KCNIP1: variants seen among roughly 807,000 people sequenced by gnomAD.
KCNIP1 encodes potassium voltage-gated channel interacting protein 1, also known as A-type potassium channel modulatory protein KCNIP1.
In KCNIP1, 18 loss-of-function variants were observed where a neutral mutation model predicts 33.0. The observed-to-expected ratio is 0.55, with a 90% CI of 0.38 to 0.81. The LOEUF is 0.81. KCNIP1 is among the 30% of genes least tolerant of loss of function. The pLI is 0.00. For synonymous variants in KCNIP1, 93 were observed against 98.3 expected, an observed-to-expected ratio of 0.95 and a Z score of 0.32; for missense variants, 238 against 271.6, an observed-to-expected ratio of 0.88 and a Z score of 0.87.
At chr5:170,658,171 C>T (rs914120297) in intron 1 of KCNIP1, among the ~76,000 whole-genome samples, 1 of 152,174 alleles carries the variant, frequency 6.6e-6, no homozygotes, top group African/African-American at 2.4e-5. Context: ...GTCTCAGTCC[C>T]TTTTCTGTTG....
At chr5:170,579,406 A>T (rs184832570) in intron 1 of KCNIP1, among the ~76,000 whole-genome samples, 26 of 152,330 alleles carry the variant, frequency 1.7e-4, no homozygotes, top group Admixed American at 1.5e-3. Flanking sequence ...CACTTAGAGA[A>T]TCAGTGATGG....
chr5:170,507,095 T>A lies in KCNIP1; in HGVS notation c.61+2462T>A, dbSNP rs76205130. Among the ~76,000 whole-genome samples the A allele has an allele frequency of 1.6e-3, 249 of 152,298 alleles. 1 individual carries two copies. Among genetic ancestry groups the A allele is most frequent in the African/African-American group, 5.7e-3 (235 of 41,564 alleles). ...CTCAGGTTCCATTTGGTTCTCAAAT[T>A]CTAATATTTTTATGGTTGATGCTCT... On this transcript the variant is annotated intron_variant, in intron 1 of 7. Coordinates refer to ENST00000328939, the MANE Select transcript of KCNIP1 (RefSeq NM_014592.4).
At chr5:170,519,376 A>C (rs1221262985) in intron 1 of KCNIP1, among the ~76,000 whole-genome samples, 1 of 152,170 alleles carries the variant, frequency 6.6e-6, no homozygotes, top group Non-Finnish European at 1.5e-5. Context: ...GCCTGCAGGC[A>C]TTTGGGTTCA....
intron 1 of KCNIP1, among the ~76,000 whole-genome samples, chr5:170,552,461 C>T (rs570129472): frequency 2.6e-4 from 39 of 152,192 alleles, no homozygotes; most frequent in Middle Eastern, 6.8e-3. Context: ...CAGGAGGCCA[C>T]GAGGAGGGGA....
In KCNIP1 at chr5:170,658,898, G is replaced by C. The variant is rs138113566; in HGVS notation, c.62-59860G>C. 8.1e-3 allele frequency among the ~76,000 whole-genome samples: 1,236 copies of C among 152,288 alleles called. 11 individuals carry two copies. The highest frequency in any genetic ancestry group is 0.028 in the African/African-American group (1,177 of 41,550). ...TAACCATTCTCAGGTTCCTGTTGGG[G>C]GTTTGGGAGCCTAGAAACTGAGACA... On this transcript the variant is annotated intron_variant, in intron 1 of 7. Coordinates refer to ENST00000328939, the MANE Select transcript of KCNIP1 (RefSeq NM_014592.4).
intron 1 of KCNIP1, among the ~76,000 whole-genome samples, chr5:170,647,399 A>G (rs138807038): frequency 7.2e-5 from 11 of 152,266 alleles, no homozygotes; most frequent in African/African-American, 2.4e-4. Context: ...GATAATAAAG[A>G]CACTGTGGTA....
chr5:170,663,447 C>T (rs1186186440), intron 1 of KCNIP1, among the ~76,000 whole-genome samples: 5 of 152,302 alleles, frequency 3.3e-5, no homozygotes, highest in African/African-American at 7.2e-5. Context: ...GCAGCTGCAC[C>T]AGGCCAGCTG....
intron 1 of KCNIP1, among the ~76,000 whole-genome samples, chr5:170,641,322 C>T (rs1238708335): frequency 1.3e-5 from 2 of 152,214 alleles, no homozygotes; most frequent in African/African-American, 4.8e-5. Context: ...AGCAGCCCTA[C>T]CTGGCTCTGC....
chr5:170,569,958 C>T (rs1385996888), intron 1 of KCNIP1, among the ~76,000 whole-genome samples: 1 of 152,156 alleles, frequency 6.6e-6, no homozygotes, highest in African/African-American at 2.4e-5. Flanking sequence ...AGCATCTAGA[C>T]ATTTGATATC....
intron 1 of KCNIP1, among the ~76,000 whole-genome samples, chr5:170,571,014 A>G (rs760413523): frequency 6.6e-6 from 1 of 152,208 alleles, no homozygotes; most frequent in Non-Finnish European, 1.5e-5. Flanking sequence ...AAGTAGCTCA[A>G]CTAGATCTAT....
intron 1 of KCNIP1, among the ~76,000 whole-genome samples, chr5:170,716,307 CA>C (rs1364871224): frequency 6.6e-6 from 1 of 152,166 alleles, no homozygotes; most frequent in East Asian, 1.9e-4. Context: ...GTTTTTGTTT[CA>C]AAATATTTCA....
chr5:170,530,622 T>C (rs6555904), intron 1 of KCNIP1, among the ~76,000 whole-genome samples: 68,279 of 151,750 alleles, frequency 0.45, 15,395 homozygotes, highest in East Asian at 0.54. Flanking sequence ...GGATGCTTTT[T>C]CTAAGTTTGG....
rs557086708 is a variant in KCNIP1, at chr5:170,439,679, AC to A, written c.88+85716del. Among the ~76,000 whole-genome samples, 922 of 152,168 alleles carry A rather than the reference AC, an allele frequency of 6.1e-3. 8 individuals carry two copies. The highest frequency in any genetic ancestry group is 0.01 in the Non-Finnish European group (697 of 67,976). ...AGCCTGAGGAACCCTCAGCCTCAGT[AC>A]TCCTGGGTCGAGCTGCAGGAGCAGG... is the stretch of plus-strand genomic sequence containing the variant. On this transcript the variant is annotated intron_variant, in intron 1 of 7. Coordinates refer to the KCNIP1 transcript ENST00000377360.
At chr5:170,718,332 G>T (rs1763701760) in intron 1 of KCNIP1, among the ~76,000 whole-genome samples, 1 of 152,176 alleles carries the variant, frequency 6.6e-6, no homozygotes. Context: ...AATGGTGAGA[G>T]TTTACTGTTT....
rs1489484976 is a variant in KCNIP1 at position 170,355,671 on chromosome 5, G to A, written c.88+1707G>A. Among the ~76,000 whole-genome samples the A allele has an allele frequency of 2.0e-5, 3 of 152,328 alleles. No homozygotes were observed. The South Asian group carries it at 6.2e-4, about 32-fold the overall frequency. ...TGAGGAGAGGCAGGGCTGAGAAGGT[G>A]GGAGGAAGCCGAAGCTGCCAGAGGG... On this transcript the variant is annotated intron_variant, in intron 1 of 7. Transcript: ENST00000377360.
chr5:170,530,876 G>A (rs367569250), intron 1 of KCNIP1, among the ~76,000 whole-genome samples: 4 of 152,146 alleles, frequency 2.6e-5, no homozygotes, highest in African/African-American at 7.2e-5. Flanking sequence ...GTGGACCATC[G>A]CGCCTGTGTT....
intron 1 of KCNIP1, among the ~76,000 whole-genome samples, chr5:170,601,355 A>G (rs1393484572): frequency 7.4e-6 from 1 of 135,254 alleles, no homozygotes; most frequent in Non-Finnish European, 1.8e-5. Context: ...CCCCAGAGAC[A>G]TCACAGGAGA....
chr5:170,660,774 C>G (rs533991855), intron 1 of KCNIP1, among the ~76,000 whole-genome samples: 1 of 152,378 alleles, frequency 6.6e-6, no homozygotes, highest in African/African-American at 2.4e-5. Context: ...CCTCCTTCCA[C>G]GCCCAGCAGA....
Position 170,736,528 on chromosome 5 carries a change from G to T in KCNIP1, c.*722G>T. 6.6e-6 allele frequency: 1 copy of T among 152,368 alleles called. No homozygotes were observed. 9.4% of individuals were successfully genotyped at this position (152,368 alleles called of 1,614,324 possible). A position where few individuals can be genotyped will look rare whatever the true frequency, so the allele number is the denominator to read the frequency against. ...TATCTCCACCACATCCCCTGCTTGA[G>T]CCCAGCGCTGCATGTCCCTCCCAAG... On this transcript the variant is annotated 3_prime_UTR_variant, in exon 8 of 8. Coordinates refer to ENST00000328939, the MANE Select transcript of KCNIP1 (RefSeq NM_014592.4).
Sources: gnomAD v4.1 joint callset for allele counts (sites outside exome capture counted in the v4.1 genomes callset) on GRCh38, gnomAD v4.1.1 for gene constraint, MANE v1.5 for transcripts, NCBI Gene and HGNC (gene_info 2026-07-23, HGNC 2026-07-21) for gene names.